Variants in ZBTB47 observed in about 807,000 individuals in gnomAD.
ZBTB47 encodes zinc finger and BTB domain containing 47, also known as zinc finger and BTB domain-containing protein 47.
A neutral mutation model predicts 56.6 loss-of-function variants in ZBTB47; 24 were observed. The observed-to-expected ratio is 0.42, with a 90% CI of 0.31 to 0.60. The LOEUF is 0.60. Ranked by LOEUF, ZBTB47 falls within the 20% of genes least tolerant of loss-of-function variation. ZBTB47 has a pLI of 0.14. For missense variants in ZBTB47, 829 were observed against 1,032.6 expected (o/e 0.80, Z 2.70); for synonymous variants, 414 against 418.9 (o/e 0.99, Z 0.14).
rs369503008 is a variant in ZBTB47 at position 42,664,322 on chromosome 3, C to T, written c.1968C>T (p.Gly656=). 6.0e-5 allele frequency: 97 copies of T among 1,611,946 alleles called. No homozygotes were observed. The highest frequency in any genetic ancestry group is 1.4e-5 in the Non-Finnish European group (17 of 1,179,656). ...AGCGGCACCGGCGCACGCACACGGG[C>T]GAGAAGCCGTACCCGTGCGACGTGT... ...NMKRHRRTHT[G]EKPYPCDVCG... Residue 656 remains glycine, a synonymous_variant, in exon 6 of 6, where the codon GGC becomes GGT. Coordinates refer to ENST00000232974, the MANE Select transcript of ZBTB47 (RefSeq NM_145166.4).
At chr3:42,662,872 C>T (rs1270684899) in intron 3 of ZBTB47, 140 bp from the exon 4 acceptor site, 34 of 610,022 alleles carry the variant, frequency 5.6e-5, no homozygotes, top group Middle Eastern at 7.0e-4. Flanking sequence ...GGAATCAGCA[C>T]AGGTCCTGGG....
intron 1 of ZBTB47, among the ~76,000 whole-genome samples, chr3:42,655,659 C>T (rs1710633243): frequency 6.6e-6 from 1 of 152,224 alleles, no homozygotes; most frequent in Non-Finnish European, 1.5e-5. Flanking sequence ...GCACATCTGG[C>T]TGTGGAGGCC....
At position 42,663,643 on chromosome 3, in the gene ZBTB47, A is replaced by C. The variant is rs1445235308; in HGVS notation, c.1738-154A>C. Among the ~76,000 whole-genome samples the C allele has an allele frequency of 1.3e-5, 2 of 151,754 alleles. No homozygotes were observed. The highest frequency in any genetic ancestry group is 4.8e-5 in the African/African-American group (2 of 41,254). On this transcript the variant is annotated intron_variant, in intron 4 of 5. Transcript: ENST00000232974. This position sits in a 1 kb window ranked among gnomAD's most constrained non-coding sequence, Gnocchi z 5.1. The stretch of plus-strand genomic sequence containing the variant: ...TTGTGCCCATGTACTGCCCACCCAG[A>C]TGCACCTCGGCTTGCCCTCATGTCC...
chr3:42,658,693 C>A lies in ZBTB47; in HGVS notation c.338C>A (p.Ser113Tyr). The A allele has an allele frequency of 2.0e-6, 3 of 1,536,146 alleles. No individual in the cohort carries two copies. The African/African-American group carries it at 4.1e-5, about 21-fold the overall frequency. The change falls in exon 2 of 6, where the codon TCT (serine) becomes TAT (tyrosine). Residue 113 changes from serine to tyrosine, a missense_variant. This residue lies in a region of ZBTB47 where 120 missense variants were observed against 200.2 expected (regional missense o/e 0.60). Transcript: ENST00000232974. ...TGCCAAGAGCTGCTGGACGCCCGCT[C>A]TCTAGGCCCACCAGGTCCGGGCACT... ...ASCQELLDAR[S>Y]LGPPGPGTVA...
chr3:42,653,034 A>C (rs1710584924), upstream of ZBTB47, among the ~76,000 whole-genome samples: 1 of 152,166 alleles, frequency 6.6e-6, no homozygotes, highest in Non-Finnish European at 1.5e-5. Context: ...CTGTGCACCC[A>C]TGCAGGTACA....
intron 1 of ZBTB47, among the ~76,000 whole-genome samples, chr3:42,657,702 C>A (rs1710654713): frequency 6.6e-6 from 1 of 152,226 alleles, no homozygotes; most frequent in African/African-American, 2.4e-5. Flanking sequence ...TAGCCAGAGA[C>A]TGGGCAGTGA....
rs189494429 is a variant in ZBTB47 at position 42,654,387 on chromosome 3, C to G, written c.-82+504C>G. On this transcript the variant is annotated intron_variant, in intron 1 of 5. Transcript: ENST00000232974. The surrounding 1 kb of genome is among the most constrained non-coding windows in gnomAD (Gnocchi z 5.0). ...CGCACACCACGCGTGTCCGCGCCCC[C>G]CGCCGGCACGCAGGCGGCCTGGCCC... is the stretch of plus-strand genomic sequence containing the variant. 2.6e-5 allele frequency: 4 copies of G among 151,532 alleles called. No individual in the cohort carries two copies. The highest frequency in any genetic ancestry group is 9.7e-5 in the African/African-American group (4 of 41,374). The allele number at this position is 151,532 out of a possible 1,614,324, so 9.4% of individuals were successfully genotyped here.
At chr3:42,661,696 A>G (rs1577628379) in intron 3 of ZBTB47, 64 bp downstream of exon 3, 1 of 1,589,552 alleles carries the variant, frequency 6.3e-7, no homozygotes, top group Non-Finnish European at 8.6e-7. Flanking sequence ...TGGCTGGTGG[A>G]TGGGAAAGAC....
At position 42,662,359 on chromosome 3, in the gene ZBTB47, A is replaced by AC. The variant is rs372448794; in HGVS notation, c.1622-650dup. ...CAGCATGAACTGACTGGAAGCTGGG[A>AC]CCCTGCGGCCTAGGTCTCAGCCAGG... On this transcript the variant is annotated intron_variant, in intron 3 of 5. Transcript: ENST00000232974. Among the ~76,000 whole-genome samples, 430 of 152,266 alleles carry AC rather than the reference A, an allele frequency of 2.8e-3. 2 individuals are homozygous for AC. The highest frequency in any genetic ancestry group is 4.8e-3 in the Non-Finnish European group (326 of 68,020).
chr3:42,663,188 G>A lies in ZBTB47; in HGVS notation c.1737+61G>A. On this transcript the variant is annotated intron_variant, in intron 4 of 5. Coordinates refer to ENST00000232974, the MANE Select transcript of ZBTB47 (RefSeq NM_145166.4). The surrounding 1 kb of genome is among the most constrained non-coding windows in gnomAD (Gnocchi z 5.1). ...GTCACCTGGGAGGGGCAGGAATCAG[G>A]GAGCGCAGCTGCTGAAAAACAAAGG... 3 of 1,276,064 alleles carry A rather than the reference G, an allele frequency of 2.4e-6. No homozygotes were observed. The highest frequency in any genetic ancestry group is 1.5e-5 in the African/African-American group (1 of 68,448). The allele number at this position is 1,276,064 out of a possible 1,614,324, so 79.0% of individuals were successfully genotyped here.
Position 42,660,198 on chromosome 3 carries a change from C to A in ZBTB47, c.1473+370C>A, listed in dbSNP as rs183279439. On this transcript the variant is annotated intron_variant, in intron 2 of 5. Coordinates refer to ENST00000232974, the MANE Select transcript of ZBTB47 (RefSeq NM_145166.4). ...GCCACTCTGGGTGGGATGAGTCAGA[C>A]GGGGTTTTAACAAACACGGGGGCTG... Among the ~76,000 whole-genome samples, 492 of 152,300 alleles carry A rather than the reference C, an allele frequency of 3.2e-3. 7 individuals carry two copies. The highest frequency in any genetic ancestry group is 0.024 in the Admixed American group (361 of 15,298).
rs760117613 is a variant in ZBTB47 at position 42,659,491 on chromosome 3, C to T, written c.1136C>T (p.Thr379Ile). 2.0e-6 allele frequency: 3 copies of T among 1,530,414 alleles called. No individual in the cohort carries two copies. Among genetic ancestry groups the T allele is most frequent in the South Asian group, 2.6e-5 (2 of 77,072 alleles). 94.8% of individuals were successfully genotyped at this position (1,530,414 alleles called of 1,614,324 possible). A position where few individuals can be genotyped will look rare whatever the true frequency, so the allele number is the denominator to read the frequency against. Residue 379 changes from threonine to isoleucine, a missense_variant, in exon 2 of 6, where the codon ACA becomes ATA. Coordinates refer to ENST00000232974, the MANE Select transcript of ZBTB47 (RefSeq NM_145166.4). ...ADPPPHSHMATRSRENARRRG... is the reference protein window; with the variant it reads ...ADPPPHSHMAIRSRENARRRG... ...CCCCCTCCCCACAGTCACATGGCCA[C>T]ACGGTCCCGGGAGAACGCCCGGCGC... is the stretch of plus-strand genomic sequence containing the variant.
intron 3 of ZBTB47, among the ~76,000 whole-genome samples, chr3:42,662,707 AG>A (rs1460369905): frequency 6.6e-6 from 1 of 152,224 alleles, no homozygotes; most frequent in Non-Finnish European, 1.5e-5. Flanking sequence ...AGGTCCACCC[AG>A]GGTCCTTCCA....
At chr3:42,661,009 A>G (rs551438750) in intron 2 of ZBTB47, among the ~76,000 whole-genome samples, 5 of 152,216 alleles carry the variant, frequency 3.3e-5, no homozygotes, top group Admixed American at 6.5e-5. Context: ...TCCTCAGCCA[A>G]CGCCTCTGGG....
chr3:42,659,038 G>T lies in ZBTB47; in HGVS notation c.683G>T (p.Arg228Leu). Reference protein sequence around the residue: ...EELGGSGTYSRREQSQIIVEV... With the variant: ...EELGGSGTYSLREQSQIIVEV... ...CTTGGGGGTTCTGGCACCTACAGCC[G>T]CAGGGAGCAATCCCAGATCATCGTG... The change falls in exon 2 of 6, where the codon CGC becomes CTC. Residue 228 changes from arginine to leucine, a missense_variant. Arg to Leu is a moderately radical substitution (Grantham distance 102). This residue lies in a region of ZBTB47 where 359 missense variants were observed against 359.8 expected (regional missense o/e 1.00). Transcript: ENST00000232974. The T allele has an allele frequency of 2.6e-6, 4 of 1,529,414 alleles. No individual in the cohort carries two copies. Among genetic ancestry groups the T allele is most frequent in the Non-Finnish European group, 3.5e-6 (4 of 1,143,342 alleles). The allele number at this position is 1,529,414 out of a possible 1,614,324, so 94.7% of individuals were successfully genotyped here. A position where few individuals can be genotyped will look rare whatever the true frequency, so the allele number is the denominator to read the frequency against.
At chr3:42,660,475 G>GC (rs1000150159) in intron 2 of ZBTB47, among the ~76,000 whole-genome samples, 1 of 152,202 alleles carries the variant, frequency 6.6e-6, no homozygotes, top group Non-Finnish European at 1.5e-5. Flanking sequence ...GCTGGGGTAA[G>GC]CAGGGGAGCT....
chr3:42,659,487 G>T lies in ZBTB47; in HGVS notation c.1132G>T (p.Ala378Ser), dbSNP rs904282647. The T allele has an allele frequency of 1.3e-5, 20 of 1,529,130 alleles. No homozygotes were observed. The South Asian group carries it at 2.6e-4, about 20-fold the overall frequency. 94.7% of individuals were successfully genotyped at this position (1,529,130 alleles called of 1,614,324 possible). A position where few individuals can be genotyped will look rare whatever the true frequency, so the allele number is the denominator to read the frequency against. Residue 378 changes from alanine (A) to serine (S), a missense_variant, in exon 2 of 6, where the codon GCC becomes TCC. Around this residue, in one of 6 missense-constraint regions of ZBTB47, gnomAD observed 359 missense variants for 359.8 expected, o/e 1.00. Transcript: ENST00000232974. ...RADPPPHSHM[A>S]TRSRENARRR... ...AGACCCCCCTCCCCACAGTCACATG[G>T]CCACACGGTCCCGGGAGAACGCCCG...
intron 3 of ZBTB47, 43 bp from the exon 4 acceptor site, chr3:42,662,969 G>A: frequency 6.7e-7 from 1 of 1,484,268 alleles, no homozygotes; most frequent in Non-Finnish European, 9.4e-7. Context: ...GGGGTGCTTG[G>A]GCAGGCCCGT....
rs1391567194 is a variant in ZBTB47 at position 42,654,874 on chromosome 3, C to T, written c.-82+991C>T. On this transcript the variant is annotated intron_variant, in intron 1 of 5. Transcript: ENST00000232974. The surrounding 1 kb of genome is among the most constrained non-coding windows in gnomAD (Gnocchi z 5.0). Reference sequence around the variant, plus strand: ...GAATGCGGCGCTGTGGCGCTGCTCTCGGTGGGGAGGGGGTTAAATTCCTGT... The same window carrying T: ...GAATGCGGCGCTGTGGCGCTGCTCTTGGTGGGGAGGGGGTTAAATTCCTGT... Among the ~76,000 whole-genome samples, 2 of 151,894 alleles carry T rather than the reference C, an allele frequency of 1.3e-5. No individual in the cohort carries two copies. Among genetic ancestry groups the T allele is most frequent in the African/African-American group, 4.8e-5 (2 of 41,388 alleles).
Sources: allele counts gnomAD v4.1 joint callset (sites outside exome capture counted in the v4.1 genomes callset), GRCh38; gene constraint gnomAD v4.1.1; regional missense constraint gnomAD v4.1.1; non-coding constraint Gnocchi (gnomAD v3.1); transcripts MANE v1.5; gene names NCBI Gene and HGNC (gene_info 2026-07-23, HGNC 2026-07-21).